OR4K1: variants seen among roughly 807,000 people sequenced by gnomAD.
OR4K1 encodes olfactory receptor family 4 subfamily K member 1, also known as olfactory receptor 4K1.
Under a neutral mutation model 14.4 loss-of-function variants are expected in OR4K1, and 16 were observed. That is an observed-to-expected ratio of 1.11 (90% confidence interval 0.75 to 1.68). The LOEUF is 1.68. OR4K1 is among the 40% of genes most tolerant of loss of function. The pLI is 0.00. For missense variants in OR4K1, 548 were observed against 376.9 expected, an observed-to-expected ratio of 1.45 and a Z score of -3.76; for synonymous variants, 181 against 133.1, an observed-to-expected ratio of 1.36 and a Z score of -2.48.
chr14:19,936,591 T>C lies in OR4K1; in HGVS notation c.925T>C (p.Trp309Arg). ...WKLRNRHVNS[W>R]KN ...GCTGAGAAACCGTCATGTGAACTCC[T>C]GGAAAAACTAGGGATCATTACGAAG... Residue 309 changes from tryptophan (W) to arginine (R), a missense_variant, in exon 2 of 2, where the codon TGG becomes CGG. Trp to Arg is a moderately radical substitution (Grantham distance 101). Transcript: ENST00000641172. 1 of 1,599,562 alleles carries C rather than the reference T, an allele frequency of 6.3e-7. No homozygotes were observed. Among genetic ancestry groups the C allele is most frequent in the Middle Eastern group, 1.7e-4 (1 of 5,958 alleles).
At chr14:19,930,183 T>A (rs557295524), upstream of OR4K1, among the ~76,000 whole-genome samples, 3 of 152,366 alleles carry the variant, frequency 2.0e-5, no homozygotes, top group East Asian at 5.8e-4. Flanking sequence ...CAGCCAGTGC[T>A]GCAATATGTG....
At chr14:19,932,536 A>G (rs1022445776) in intron 1 of OR4K1, among the ~76,000 whole-genome samples, 1 of 152,256 alleles carries the variant, frequency 6.6e-6, no homozygotes, top group Non-Finnish European at 1.5e-5. Context: ...TGTTCATTCC[A>G]TTAGAAATTT....
At chr14:19,924,671 T>C in the OR4K1 span, among the ~76,000 whole-genome samples, 1 of 152,178 alleles carries the variant, frequency 6.6e-6, no homozygotes, top group Non-Finnish European at 1.5e-5. Flanking sequence ...GAAATACCAT[T>C]TGACCCAGCA....
upstream of OR4K1, among the ~76,000 whole-genome samples, chr14:19,926,225 C>T (rs1471803640): frequency 6.6e-6 from 1 of 152,130 alleles, no homozygotes; most frequent in Admixed American, 6.5e-5. Flanking sequence ...TGTAGAAAAC[C>T]TCTCGTCTTT....
the OR4K1 span, among the ~76,000 whole-genome samples, chr14:19,923,813 G>A: frequency 6.6e-6 from 1 of 152,080 alleles, no homozygotes; most frequent in African/African-American, 2.4e-5. Context: ...TCTCTCTTAG[G>A]GTATTTTTTT....
intron 1 of OR4K1, among the ~76,000 whole-genome samples, chr14:19,933,446 G>A (rs568984561): frequency 7.9e-5 from 12 of 152,006 alleles, no homozygotes; most frequent in East Asian, 5.8e-4. Flanking sequence ...TTGCTTCCTC[G>A]TTTCCCCTGC....
chr14:19,931,882 C>G (rs1042133273), intron 1 of OR4K1, among the ~76,000 whole-genome samples: 1 of 152,224 alleles, frequency 6.6e-6, no homozygotes, highest in African/African-American at 2.4e-5. Flanking sequence ...CATGTGTTTC[C>G]ATAACTGCCT....
At chr14:19,921,216 G>T in the OR4K1 span, 1 of 1,614,134 alleles carries the variant, frequency 6.2e-7, no homozygotes, top group South Asian at 1.1e-5. Flanking sequence ...GGTCAATAGT[G>T]GAATTCTTTC....
chr14:19,921,493 C>A, the OR4K1 span: 1 of 1,614,004 alleles, frequency 6.2e-7, no homozygotes, highest in East Asian at 2.2e-5. Context: ...GATATGAAGG[C>A]TGCCGTAAGG....
At position 19,935,795 on chromosome 14, in the gene OR4K1, C is replaced by G; in HGVS notation, c.129C>G (p.Val43=). The G allele has an allele frequency of 6.2e-7, 1 of 1,614,130 alleles. No homozygotes were observed. The highest frequency in any genetic ancestry group is 8.5e-7 in the Non-Finnish European group (1 of 1,179,994). Residue 43 remains valine (V), a synonymous_variant, in exon 2 of 2, where the codon GTC becomes GTG. Coordinates refer to ENST00000641172, the MANE Select transcript of OR4K1 (RefSeq NM_001004063.3). ...IVYVTSVLGN[V]LIIVIISFDS... is the part of the protein sequence containing the mutation. ...ATGTGACATCAGTGCTAGGCAATGT[C>G]TTAATTATTGTCATTATTTCTTTTG...
At chr14:19,926,520 G>T (rs1227554174), upstream of OR4K1, among the ~76,000 whole-genome samples, 2 of 152,212 alleles carry the variant, frequency 1.3e-5, no homozygotes, top group African/African-American at 4.8e-5. Context: ...AGTCCAATAC[G>T]CTAGGGCAGG....
At position 19,936,544 on chromosome 14, in the gene OR4K1, A is replaced by G; in HGVS notation, c.878A>G (p.Asp293Gly). ...NPIIYSLRNE[D>G]VKAAMWKLRN... ...ATCATCTACTCTCTGAGGAATGAAG[A>G]TGTTAAAGCAGCCATGTGGAAGCTG... The change falls in exon 2 of 2, where the codon GAT (aspartate) becomes GGT (glycine). Residue 293 changes from aspartate (D) to glycine (G), a missense_variant. Coordinates refer to ENST00000641172, the MANE Select transcript of OR4K1 (RefSeq NM_001004063.3). The G allele has an allele frequency of 6.2e-7, 1 of 1,611,420 alleles. No homozygotes were observed. The highest frequency in any genetic ancestry group is 8.5e-7 in the Non-Finnish European group (1 of 1,179,180).
upstream of OR4K1, among the ~76,000 whole-genome samples, chr14:19,930,354 T>C (rs142798773): frequency 1.3e-3 from 195 of 152,328 alleles, no homozygotes; most frequent in African/African-American, 4.4e-3. Context: ...CCTGTGGAGA[T>C]CTAGAAAACT....
chr14:19,923,411 T>C, the OR4K1 span, among the ~76,000 whole-genome samples: 2 of 152,254 alleles, frequency 1.3e-5, no homozygotes, highest in African/African-American at 4.8e-5. Flanking sequence ...ATAAACATTT[T>C]ACAACCAGCT....
At chr14:19,921,387 C>T in the OR4K1 span, 40 of 1,614,118 alleles carry the variant, frequency 2.5e-5, no homozygotes, top group Non-Finnish European at 3.4e-5. Flanking sequence ...CTATGTGTGG[C>T]CCTTTACCAT....
At chr14:19,929,775 C>T (rs979548065), upstream of OR4K1, among the ~76,000 whole-genome samples, 1 of 152,196 alleles carries the variant, frequency 6.6e-6, no homozygotes, top group Non-Finnish European at 1.5e-5. Flanking sequence ...AAAACAAATG[C>T]TTGTTGACAC....
chr14:19,928,074 G>A (rs866798893), upstream of OR4K1, among the ~76,000 whole-genome samples: 2 of 152,182 alleles, frequency 1.3e-5, no homozygotes, highest in South Asian at 2.1e-4. Flanking sequence ...CACATTTTTT[G>A]AGATGGTGAA....
the OR4K1 span, chr14:19,921,396 A>T: frequency 2.2e-5 from 36 of 1,613,986 alleles, no homozygotes; most frequent in African/African-American, 4.8e-4. Flanking sequence ...GCCCTTTACC[A>T]TCTCTCCTTT....
At chr14:19,935,108 C>T (rs1001042059) in intron 1 of OR4K1, among the ~76,000 whole-genome samples, 4 of 152,234 alleles carry the variant, frequency 2.6e-5, no homozygotes, top group Admixed American at 1.3e-4. Context: ...TGTTTCTTAG[C>T]ACACTCTCCA....
Sources: allele counts gnomAD v4.1 joint callset (sites outside exome capture counted in the v4.1 genomes callset), GRCh38; gene constraint gnomAD v4.1.1; transcripts MANE v1.5; gene names NCBI Gene and HGNC (gene_info 2026-07-23, HGNC 2026-07-21).